VSTM2L: variants seen among roughly 807,000 people sequenced by gnomAD.
VSTM2L encodes the protein V-set and transmembrane domain-containing protein 2-like protein.
VSTM2L carries 9 observed loss-of-function variants against 19.9 expected under a neutral mutation model. That is an observed-to-expected ratio of 0.45 (90% CI 0.27 to 0.79). The LOEUF is 0.79. Among genes scored for constraint, VSTM2L ranks in the 30% least tolerant of loss-of-function variants. The pLI is 0.15. For synonymous variants in VSTM2L, 127 were observed against 133.8 expected, an observed-to-expected ratio of 0.95 and a Z score of 0.35; for missense variants, 286 against 295.5, an observed-to-expected ratio of 0.97 and a Z score of 0.24.
intron 1 of VSTM2L, among the ~76,000 whole-genome samples, chr20:37,918,931 A>G (rs2072835111): frequency 6.6e-6 from 1 of 152,216 alleles, no homozygotes; most frequent in African/African-American, 2.4e-5. Context: ...GGGCAGCACT[A>G]TGATTCATGG....
chr20:37,941,489 G>A (rs551437257), intron 3 of VSTM2L, among the ~76,000 whole-genome samples: 47 of 152,184 alleles, frequency 3.1e-4, no homozygotes, highest in Non-Finnish European at 5.9e-4. Flanking sequence ...GAAGTCACAC[G>A]TGTGAGTGCC....
At position 37,945,343 on chromosome 20, in the gene VSTM2L, T is replaced by A. The variant is rs1167222893; in HGVS notation, c.*1090T>A. On this transcript the variant is annotated 3_prime_UTR_variant, in exon 4 of 4. Transcript: ENST00000373461. ...CCAGCCAACCTGAATAAAGCGGTTT[T>A]AAAAAAACCTCTGGGCAGTGTCTTT... 1.1e-6 allele frequency: 1 copy of A among 922,050 alleles called. No homozygotes were observed. The highest frequency in any genetic ancestry group is 1.3e-6 in the Non-Finnish European group (1 of 772,142). 57.1% of individuals were successfully genotyped at this position (922,050 alleles called of 1,614,324 possible). A position where few individuals can be genotyped will look rare whatever the true frequency, so the allele number is the denominator to read the frequency against.
In VSTM2L at chr20:37,913,507, TTGGTAAGCA is replaced by T. The variant is rs377657591; in HGVS notation, c.121+10038_121+10046del. Reference sequence around the variant, plus strand: ...AACTTCATTCACTTTTCCTAAGTCCTTGGTAAGCATACTCAGAGAGCTGGGGTCAGGAAG... The same window carrying T: ...AACTTCATTCACTTTTCCTAAGTCCTTACTCAGAGAGCTGGGGTCAGGAAG... On this transcript the variant is annotated intron_variant, in intron 1 of 3. Transcript: ENST00000373461. Among the ~76,000 whole-genome samples the T allele has an allele frequency of 4.0e-3, 605 of 152,296 alleles. 2 individuals carry two copies. Among genetic ancestry groups the T allele is most frequent in the African/African-American group, 0.014 (586 of 41,560 alleles).
intron 1 of VSTM2L, among the ~76,000 whole-genome samples, chr20:37,914,202 T>G (rs1326691788): frequency 6.7e-6 from 1 of 150,238 alleles, no homozygotes; most frequent in East Asian, 2.0e-4. Flanking sequence ...GGTGTGTGCA[T>G]GTATGTGTGT....
intron 3 of VSTM2L, 33 bp from the exon 4 acceptor site, chr20:37,943,948 A>T: frequency 1.9e-6 from 1 of 515,016 alleles, no homozygotes; most frequent in South Asian, 3.7e-5. Context: ...CTGTCACTGG[A>T]TGGACAGGTC....
At chr20:37,932,368 G>A (rs143010093) in intron 2 of VSTM2L, among the ~76,000 whole-genome samples, 4 of 152,252 alleles carry the variant, frequency 2.6e-5, no homozygotes, top group African/African-American at 7.2e-5. Flanking sequence ...GGTGTGCAGC[G>A]TGCTCTGGGA....
intron 1 of VSTM2L, among the ~76,000 whole-genome samples, chr20:37,926,940 A>G (rs188471802): frequency 3.7e-4 from 56 of 152,356 alleles, no homozygotes; most frequent in African/African-American, 1.3e-3. Flanking sequence ...CCATGACTTA[A>G]CACAAAAAAG....
intron 1 of VSTM2L, among the ~76,000 whole-genome samples, chr20:37,929,880 G>T (rs1020041360): frequency 2.0e-5 from 3 of 152,114 alleles, no homozygotes; most frequent in Admixed American, 6.5e-5. Context: ...ACGGTGATGT[G>T]GGGGAGGGAT....
chr20:37,907,571 C>G (rs553779945), intron 1 of VSTM2L, among the ~76,000 whole-genome samples: 1 of 152,166 alleles, frequency 6.6e-6, no homozygotes, highest in East Asian at 1.9e-4. Flanking sequence ...GAGGTCCAGA[C>G]AGGGGCAGGT....
chr20:37,937,966 G>T (rs1318111847), intron 3 of VSTM2L, among the ~76,000 whole-genome samples: 1 of 152,178 alleles, frequency 6.6e-6, no homozygotes, highest in East Asian at 1.9e-4. Context: ...GAGGCTGAGG[G>T]GCAGGCCGGG....
chr20:37,928,420 AC>A (rs572333418), intron 1 of VSTM2L, among the ~76,000 whole-genome samples: 214 of 152,298 alleles, frequency 1.4e-3, no homozygotes, highest in Non-Finnish European at 2.6e-3. Context: ...ACCCTGCTCC[AC>A]CACTGCCCAG....
intron 1 of VSTM2L, 38 bp from the exon 2 acceptor site, chr20:37,931,597 C>T (rs1266872989): frequency 3.8e-6 from 6 of 1,570,082 alleles, no homozygotes; most frequent in Non-Finnish European, 5.2e-6. Context: ...CCCGTGGTTT[C>T]CTGAGCCCCG....
chr20:37,915,186 G>T (rs2072810789), intron 1 of VSTM2L, among the ~76,000 whole-genome samples: 1 of 152,146 alleles, frequency 6.6e-6, no homozygotes, highest in Admixed American at 6.5e-5. Flanking sequence ...GTCGGACAGC[G>T]GCTGAGGGCC....
chr20:37,923,979 G>A (rs758602668), intron 1 of VSTM2L, among the ~76,000 whole-genome samples: 3 of 152,254 alleles, frequency 2.0e-5, no homozygotes, highest in Non-Finnish European at 4.4e-5. Flanking sequence ...GCTCACGCCT[G>A]TAATCCCAGT....
chr20:37,931,835 G>GA, intron 2 of VSTM2L, 31 bp downstream of exon 2: 1 of 1,604,052 alleles, frequency 6.2e-7, no homozygotes, highest in East Asian at 2.2e-5. Flanking sequence ...CCCAAGCTGG[G>GA]CTGGGGAAGT....
chr20:37,943,045 A>G (rs1395765698), intron 3 of VSTM2L, among the ~76,000 whole-genome samples: 1 of 151,890 alleles, frequency 6.6e-6, no homozygotes, highest in Non-Finnish European at 1.5e-5. Flanking sequence ...GCTCACTGCA[A>G]CCTCCGCCTC....
rs1038531095 is a variant in VSTM2L at position 37,903,169 on chromosome 20, G to C, written c.-182G>C. On this transcript the variant is annotated 5_prime_UTR_variant, in exon 1 of 4. Coordinates refer to ENST00000373461, the MANE Select transcript of VSTM2L (RefSeq NM_080607.3). ...GCTGGGCGTGCGCTCGCTCCCCGAA[G>C]CCGGGGCTGGGCCGGAGCCGGGCGA... 8.6e-6 allele frequency: 7 copies of C among 814,522 alleles called. No individual in the cohort carries two copies. Among genetic ancestry groups the C allele is most frequent in the Admixed American group, 9.4e-5 (2 of 21,350 alleles). The allele number at this position is 814,522 out of a possible 1,614,324, so 50.5% of individuals were successfully genotyped here. A position where few individuals can be genotyped will look rare whatever the true frequency, so the allele number is the denominator to read the frequency against.
intron 1 of VSTM2L, among the ~76,000 whole-genome samples, chr20:37,930,523 G>A (rs542837649): frequency 1.1e-4 from 16 of 152,280 alleles, no homozygotes; most frequent in South Asian, 2.1e-4. Flanking sequence ...TTTCCAGGGC[G>A]ATAATCTCTC....
chr20:37,928,285 G>A (rs1047202320), intron 1 of VSTM2L, among the ~76,000 whole-genome samples: 1 of 152,108 alleles, frequency 6.6e-6, no homozygotes, highest in Non-Finnish European at 1.5e-5. Context: ...TCACCTCTTC[G>A]GCTCTTCCCG....
Sources: allele counts gnomAD v4.1 joint callset (sites outside exome capture counted in the v4.1 genomes callset), GRCh38; gene constraint gnomAD v4.1.1; transcripts MANE v1.5; gene names NCBI Gene and HGNC (gene_info 2026-07-23, HGNC 2026-07-21).